CCDC33: variants seen among roughly 807,000 people sequenced by gnomAD.
CCDC33 encodes the protein coiled-coil domain-containing protein 33.
Under a neutral mutation model 91.9 loss-of-function variants are expected in CCDC33, and 94 were observed. The ratio of observed to expected loss-of-function variants is 1.02; its 90% CI spans 0.87 to 1.21. The LOEUF is 1.21. Among genes scored for constraint, CCDC33 ranks in the 50% most tolerant of loss-of-function variants. CCDC33 has a pLI of 0.00. For missense variants in CCDC33, 940 were observed against 935.5 expected, an observed-to-expected ratio of 1.00 and a Z score of -0.06; for synonymous variants, 396 against 374.5, an observed-to-expected ratio of 1.06 and a Z score of -0.66.
At chr15:74,286,914 C>T (rs1464464667) in intron 10 of CCDC33, among the ~76,000 whole-genome samples, 1 of 152,132 alleles carries the variant, frequency 6.6e-6, no homozygotes, top group Admixed American at 6.5e-5. Flanking sequence ...CCCTCTTCCC[C>T]TCATAGGGAG....
In CCDC33 at chr15:74,331,132, C is replaced by T. The variant is rs372546083; in HGVS notation, c.1677+20C>T. 5.6e-5 allele frequency: 90 copies of T among 1,612,952 alleles called. No homozygotes were observed. Among genetic ancestry groups the T allele is most frequent in the Non-Finnish European group, 7.4e-5 (87 of 1,179,394 alleles). On this transcript the variant is annotated intron_variant, in intron 14 of 18. Coordinates refer to ENST00000398814, the MANE Select transcript of CCDC33 (RefSeq NM_025055.5). ...GAGAAGGCAGGTGGCAGAGGGGCTG[C>T]CCCCGAGGCCAACTGATGATGGCAG...
In CCDC33 at chr15:74,218,517, C is replaced by A. The variant is rs1277263668; in HGVS notation, c.331C>A (p.Gln111Lys). The A allele has an allele frequency of 3.9e-6, 5 of 1,286,880 alleles. No homozygotes were observed. Among genetic ancestry groups the A allele is most frequent in the South Asian group, 3.7e-5 (3 of 80,626 alleles). 79.7% of individuals were successfully genotyped at this position (1,286,880 alleles called of 1,614,324 possible). A position where few individuals can be genotyped will look rare whatever the true frequency, so the allele number is the denominator to read the frequency against. ...TCCAGGTTTCTGCAAGAATGACGGGCAGCATGATGCTCAGCTGCATGTGGA... is the reference window on the plus strand; with the variant it reads ...TCCAGGTTTCTGCAAGAATGACGGGAAGCATGATGCTCAGCTGCATGTGGA... The change falls in exon 2 of 3, where the codon CAG becomes AAG. Residue 111 changes from glutamine (Q) to lysine (K), a missense_variant. Gln to Lys is a moderately conservative substitution (Grantham distance 53). Coordinates refer to the CCDC33 transcript ENST00000635913. The surrounding 1 kb of genome is among the most constrained non-coding windows in gnomAD (Gnocchi z 4.8).
chr15:74,304,794 C>A (rs1215630985), intron 11 of CCDC33, among the ~76,000 whole-genome samples: 1 of 152,144 alleles, frequency 6.6e-6, no homozygotes, highest in Non-Finnish European at 1.5e-5. Context: ...GGTACCTAAG[C>A]TGATTTAGAG....
intron 2 of CCDC33, among the ~76,000 whole-genome samples, chr15:74,256,078 G>A (rs2075852235): frequency 6.6e-6 from 1 of 152,238 alleles, no homozygotes; most frequent in Admixed American, 6.5e-5. Flanking sequence ...CTGCCCTTGA[G>A]GGGTGAACAG....
Position 74,280,693 on chromosome 15 carries a change from C to T in CCDC33, c.915C>T (p.Leu305=), listed in dbSNP as rs2142495746. 3 of 1,527,290 alleles carry T rather than the reference C, an allele frequency of 2.0e-6. No individual in the cohort carries two copies. Among genetic ancestry groups the T allele is most frequent in the East Asian group, 2.5e-5 (1 of 39,606 alleles). 94.6% of individuals were successfully genotyped at this position (1,527,290 alleles called of 1,614,324 possible). Residue 305 remains leucine (L), a synonymous_variant, in exon 9 of 19, where the codon CTC becomes CTT. Transcript: ENST00000398814. ...TGAAAGGCAGCCAGCCGTGGACCCT[C>T]AACCAGCCCCTGGGCATCTCTGTGT... ...TSMKGSQPWT[L]NQPLGISVLP...
At chr15:74,271,555 G>A in intron 5 of CCDC33, 148 bp from the exon 6 acceptor site, 2 of 611,180 alleles carry the variant, frequency 3.3e-6, no homozygotes, top group South Asian at 2.0e-5. Flanking sequence ...ACCGAGTAAG[G>A]CAGGGAACAG....
intron 11 of CCDC33, chr15:74,318,593 G>C: frequency 1.4e-6 from 1 of 734,762 alleles, no homozygotes; most frequent in East Asian, 2.7e-5. Context: ...AGTAAAGATG[G>C]GGGAGCCAGG....
intron 3 of CCDC33, among the ~76,000 whole-genome samples, chr15:74,265,447 T>A (rs2076141063): frequency 2.6e-5 from 4 of 152,194 alleles, no homozygotes; most frequent in Admixed American, 2.6e-4. Flanking sequence ...AATCATAGAC[T>A]TCCAGAATAT....
intron 2 of CCDC33, among the ~76,000 whole-genome samples, chr15:74,252,356 G>A (rs989009477): frequency 6.6e-6 from 1 of 152,186 alleles, no homozygotes; most frequent in Non-Finnish European, 1.5e-5. Flanking sequence ...TGACTCACAG[G>A]TGACCCATGG....
At chr15:74,279,558 CGG>C (rs2076535559) in intron 7 of CCDC33, among the ~76,000 whole-genome samples, 2 of 152,048 alleles carry the variant, frequency 1.3e-5, no homozygotes, top group African/African-American at 4.8e-5. Context: ...TATTTAGAGA[CGG>C]AGTTTCGCTC....
chr15:74,263,725 GA>G (rs1478784793), intron 3 of CCDC33, among the ~76,000 whole-genome samples: 1 of 152,224 alleles, frequency 6.6e-6, no homozygotes, highest in African/African-American at 2.4e-5. Context: ...GCGCATGTGT[GA>G]ATGTGGTGTG....
chr15:74,286,173 G>T (rs74614481), intron 10 of CCDC33, among the ~76,000 whole-genome samples: 5,414 of 152,254 alleles, frequency 0.036, 318 homozygotes, highest in African/African-American at 0.12. Flanking sequence ...TTGAACCTGG[G>T]AGGTAGAGGT....
At chr15:74,333,564 A>G (rs2060487758) in intron 16 of CCDC33, among the ~76,000 whole-genome samples, 1 of 152,004 alleles carries the variant, frequency 6.6e-6, no homozygotes, top group Admixed American at 6.5e-5. Context: ...ACTGCCTCAC[A>G]GGTTCTTCAC....
intron 16 of CCDC33, chr15:74,333,342 G>A (rs1460462059): frequency 6.5e-7 from 1 of 1,547,636 alleles, no homozygotes; most frequent in Admixed American, 1.9e-5. Flanking sequence ...CCAGGGCCCA[G>A]AAATGCCCAG....
At chr15:74,333,288 G>A in intron 16 of CCDC33, 1 of 1,598,760 alleles carries the variant, frequency 6.3e-7, no homozygotes, top group Admixed American at 1.7e-5. Context: ...CATGGCCCAG[G>A]CCACTCAGAG....
chr15:74,297,871 C>T (rs1264977644), intron 11 of CCDC33, among the ~76,000 whole-genome samples: 1 of 152,218 alleles, frequency 6.6e-6, no homozygotes, highest in Non-Finnish European at 1.5e-5. Context: ...GCCAACCAGC[C>T]AACCCTCTGC....
chr15:74,276,833 CT>C (rs1442633731), intron 7 of CCDC33, among the ~76,000 whole-genome samples: 1 of 152,244 alleles, frequency 6.6e-6, no homozygotes, highest in Admixed American at 6.5e-5. Context: ...TCCTTACCTA[CT>C]GCCCTTGTCC....
chr15:74,307,971 C>A (rs1167310487), intron 11 of CCDC33, among the ~76,000 whole-genome samples: 1 of 149,564 alleles, frequency 6.7e-6, no homozygotes, highest in South Asian at 2.2e-4. Flanking sequence ...TGGGCTCTCT[C>A]GAGTGCATAA....
intron 15 of CCDC33, 42 bp from the exon 16 acceptor site, chr15:74,332,637 C>T: frequency 1.2e-6 from 2 of 1,600,116 alleles, no homozygotes; most frequent in Non-Finnish European, 1.7e-6. Flanking sequence ...ACATGGGAAG[C>T]AGGAGAGCCC....
Sources: gnomAD v4.1 joint callset for allele counts (sites outside exome capture counted in the v4.1 genomes callset) on GRCh38, gnomAD v4.1.1 for gene constraint, Gnocchi (gnomAD v3.1) non-coding constraint, MANE v1.5 for transcripts, NCBI Gene and HGNC (gene_info 2026-07-23, HGNC 2026-07-21) for gene names.